Variants in FRMD4B observed in about 807,000 individuals in gnomAD.
FRMD4B encodes FERM domain-containing protein 4B.
In FRMD4B, 74 loss-of-function variants were observed where a neutral mutation model predicts 141.5. That is an observed-to-expected ratio of 0.52 (90% CI 0.43 to 0.63). The LOEUF is 0.63. Among genes scored for constraint, FRMD4B ranks in the 30% least tolerant of loss-of-function variants. The pLI is 0.00. For synonymous variants in FRMD4B, 506 were observed against 467.9 expected (o/e 1.08, Z -1.05); for missense variants, 1,366 against 1,253.4 (o/e 1.09, Z -1.36).
intron 4 of FRMD4B, among the ~76,000 whole-genome samples, chr3:69,288,266 GGGGGTT>G (rs1366631440): frequency 1.3e-5 from 2 of 152,220 alleles, no homozygotes; most frequent in East Asian, 3.9e-4. Context: ...CTTGAGGCTC[GGGGGTT>G]TTTAGACGGA....
intron 4 of FRMD4B, among the ~76,000 whole-genome samples, chr3:69,290,203 A>G (rs1700826275): frequency 6.6e-6 from 1 of 152,224 alleles, no homozygotes; most frequent in Admixed American, 6.5e-5. Flanking sequence ...GGAAAGGAGC[A>G]AGTGCCACTC....
chr3:69,429,829 T>C (rs1705147761), intron 2 of FRMD4B, among the ~76,000 whole-genome samples: 1 of 149,798 alleles, frequency 6.7e-6, no homozygotes, highest in Admixed American at 6.7e-5. Context: ...GCATGATCTC[T>C]GCTCACTGCA....
At chr3:69,404,289 A>T (rs1020078765) in intron 2 of FRMD4B, among the ~76,000 whole-genome samples, 1 of 152,218 alleles carries the variant, frequency 6.6e-6, no homozygotes, top group African/African-American at 2.4e-5. Flanking sequence ...TTTCTCTCCA[A>T]TAACAGAATT....
intron 2 of FRMD4B, among the ~76,000 whole-genome samples, chr3:69,408,660 G>T (rs1389572640): frequency 6.6e-6 from 1 of 152,200 alleles, no homozygotes; most frequent in South Asian, 2.1e-4. Flanking sequence ...GGGCTTGGTA[G>T]GGGGAGTGGG....
chr3:69,452,624 G>A (rs191711906), intron 1 of FRMD4B, among the ~76,000 whole-genome samples: 85 of 152,330 alleles, frequency 5.6e-4, no homozygotes, highest in Non-Finnish European at 7.6e-4. Flanking sequence ...AATAGAAAAA[G>A]TGACACTTGG....
intron 1 of FRMD4B, chr3:69,376,958 A>C (rs1006620833): frequency 6.6e-6 from 1 of 152,084 alleles, no homozygotes; most frequent in African/African-American, 2.4e-5. Context: ...GAAAAGATGG[A>C]ATGTGAAAAA....
At chr3:69,330,867 T>A (rs1702347526) in intron 1 of FRMD4B, among the ~76,000 whole-genome samples, 1 of 152,208 alleles carries the variant, frequency 6.6e-6, no homozygotes, top group Non-Finnish European at 1.5e-5. Flanking sequence ...TTTTCCCTGC[T>A]GAAGGAGGCT....
At chr3:69,337,689 A>C (rs1228812435) in intron 1 of FRMD4B, among the ~76,000 whole-genome samples, 2 of 152,386 alleles carry the variant, frequency 1.3e-5, no homozygotes, top group Admixed American at 6.5e-5. Flanking sequence ...TTATGCAGCC[A>C]AAAGACCCAT....
intron 7 of FRMD4B, among the ~76,000 whole-genome samples, chr3:69,226,659 A>C (rs921224986): frequency 6.6e-6 from 1 of 152,200 alleles, no homozygotes; most frequent in African/African-American, 2.4e-5. Context: ...ATTACAGTTA[A>C]TTCTGTGGCA....
intron 1 of FRMD4B, among the ~76,000 whole-genome samples, chr3:69,490,406 TGCTTCTC>T (rs1177985115): frequency 6.6e-6 from 1 of 152,214 alleles, no homozygotes; most frequent in Non-Finnish European, 1.5e-5. Flanking sequence ...ACCACAAACT[TGCTTCTC>T]TTATCTTCCA....
intron 1 of FRMD4B, chr3:69,320,838 AC>A (rs1449348452): frequency 1.3e-5 from 2 of 152,176 alleles, no homozygotes; most frequent in African/African-American, 4.8e-5. Context: ...CCCTCATGGA[AC>A]CCCAGGAATT....
At chr3:69,179,921 C>T (rs1559686519) in intron 21 of FRMD4B, among the ~76,000 whole-genome samples, 1 of 152,172 alleles carries the variant, frequency 6.6e-6, no homozygotes, top group Non-Finnish European at 1.5e-5. Flanking sequence ...CCTCCCCTAT[C>T]TTCTATTTCT....
rs148978848 is a variant in FRMD4B at position 69,242,760 on chromosome 3, C to T, written c.581+6466G>A. On this transcript the variant is annotated intron_variant, in intron 7 of 22. Coordinates refer to ENST00000398540, the MANE Select transcript of FRMD4B (RefSeq NM_015123.3). ...CTGTAATCCCAGCACTTTGGGAGGC[C>T]GAGGATGGTGGATCATGAGGTCAGG... Among the ~76,000 whole-genome samples, 130 of 150,746 alleles carry T rather than the reference C, an allele frequency of 8.6e-4. 2 individuals carry two copies. In the East Asian group the frequency reaches 0.022, roughly 25 times the overall value.
chr3:69,269,816 C>T (rs780856964), intron 5 of FRMD4B, among the ~76,000 whole-genome samples: 3 of 152,068 alleles, frequency 2.0e-5, no homozygotes, highest in Non-Finnish European at 4.4e-5. Context: ...GACAGGGTTT[C>T]GCCATGTTGG....
In FRMD4B at chr3:69,181,003, G is replaced by C. The variant is rs540273782; in HGVS notation, c.2747C>G (p.Pro916Arg). 1.2e-6 allele frequency: 2 copies of C among 1,613,960 alleles called. No individual in the cohort carries two copies. The highest frequency in any genetic ancestry group is 2.2e-5 in the South Asian group (2 of 91,084). The change falls in exon 21 of 23, where the codon CCG becomes CGG. Residue 916 changes from proline to arginine, a missense_variant. Pro to Arg is a moderately radical substitution (Grantham distance 103). Transcript: ENST00000398540. ...ASGQKDQGHSPQTSFDSDRGS... is the reference protein window; with the variant it reads ...ASGQKDQGHSRQTSFDSDRGS... ...CCTGTCTGAGTCAAAGCTGGTCTGC[G>C]GGCTGTGTCCCTGATCCTTCTGCCC...
intron 1 of FRMD4B, among the ~76,000 whole-genome samples, chr3:69,454,733 A>G (rs1008067111): frequency 6.6e-6 from 1 of 152,206 alleles, no homozygotes; most frequent in Non-Finnish European, 1.5e-5. Flanking sequence ...GCTCTGGTGC[A>G]GCCAGAGCCT....
intron 1 of FRMD4B, chr3:69,353,437 C>A: frequency 3.8e-6 from 1 of 265,370 alleles, no homozygotes; most frequent in Non-Finnish European, 5.8e-6. Context: ...ACCCCCAGTA[C>A]AATATTAAAA....
At chr3:69,388,977 C>G (rs543317036), upstream of FRMD4B, among the ~76,000 whole-genome samples, 1 of 151,646 alleles carries the variant, frequency 6.6e-6, no homozygotes, top group Admixed American at 6.6e-5. Flanking sequence ...TATTTCTCAT[C>G]CTTCATCCCC....
chr3:69,425,517 C>T (rs1289376725), intron 2 of FRMD4B, among the ~76,000 whole-genome samples: 1 of 152,212 alleles, frequency 6.6e-6, no homozygotes, highest in African/African-American at 2.4e-5. Context: ...GCTGGCCAGC[C>T]TCCACCTAAA....
Sources: gnomAD v4.1 joint callset for allele counts (sites outside exome capture counted in the v4.1 genomes callset) on GRCh38, gnomAD v4.1.1 for gene constraint, MANE v1.5 for transcripts, NCBI Gene and HGNC (gene_info 2026-07-23, HGNC 2026-07-21) for gene names.